Variants in SNX24 observed in about 807,000 individuals in gnomAD.
SNX24 encodes the protein sorting nexin 24, also known as sorting nexin-24.
SNX24 carries 22 observed loss-of-function variants against 28.7 expected under a neutral mutation model. The ratio of observed to expected loss-of-function variants is 0.77; its 90% CI spans 0.55 to 1.10. The LOEUF (loss-of-function observed/expected upper bound fraction) is 1.10, where lower values mean the gene tolerates loss of function less well. SNX24 is among the 50% of genes least tolerant of loss of function. The pLI is 0.00. For missense variants in SNX24, 221 were observed against 201.1 expected (o/e 1.10, Z -0.60); for synonymous variants, 69 against 71.5 (o/e 0.96, Z 0.18).
rs373787968 is a variant in SNX24, at chr5:122,985,994, G to A, written c.250-13918G>A. On this transcript the variant is annotated intron_variant, in intron 3 of 6. Transcript: ENST00000261369. ...CTAGCACTCTGAAGGAAACAAATAAGGGAGCAAGAAAGAGGTTATCAGAGA... is the reference window on the plus strand; with the variant it reads ...CTAGCACTCTGAAGGAAACAAATAAAGGAGCAAGAAAGAGGTTATCAGAGA... Among the ~76,000 whole-genome samples the A allele has an allele frequency of 1.1e-4, 16 of 152,302 alleles. 2 individuals carry two copies. Among genetic ancestry groups the A allele is most frequent in the East Asian group, 3.9e-4 (2 of 5,192 alleles).
At chr5:122,946,599 G>T (rs1759696491) in intron 3 of SNX24, among the ~76,000 whole-genome samples, 1 of 152,142 alleles carries the variant, frequency 6.6e-6, no homozygotes, top group African/African-American at 2.4e-5. Context: ...AATTGAAAAG[G>T]AATGTATAAA....
chr5:122,922,012 A>T (rs1000699986), intron 1 of SNX24, among the ~76,000 whole-genome samples: 8 of 152,036 alleles, frequency 5.3e-5, no homozygotes, highest in Admixed American at 4.6e-4. Context: ...CTCCTTATGT[A>T]TGGTTTTAGA....
At chr5:122,939,351 T>C (rs1759337068) in intron 2 of SNX24, among the ~76,000 whole-genome samples, 1 of 152,216 alleles carries the variant, frequency 6.6e-6, no homozygotes, top group African/African-American at 2.4e-5. Context: ...TAGGTTTGTT[T>C]AGGAGTTGTA....
At chr5:122,898,935 G>A (rs1402827689) in intron 1 of SNX24, among the ~76,000 whole-genome samples, 5 of 152,202 alleles carry the variant, frequency 3.3e-5, no homozygotes, top group African/African-American at 1.2e-4. Flanking sequence ...AGAGAACCTT[G>A]AAAGTGTCCC....
At chr5:122,984,787 G>C (rs1023034847) in intron 3 of SNX24, among the ~76,000 whole-genome samples, 3 of 152,156 alleles carry the variant, frequency 2.0e-5, no homozygotes, top group Non-Finnish European at 4.4e-5. Flanking sequence ...AAAAAGTCAG[G>C]AAATGTTTGC....
chr5:122,944,470 G>T (rs1759594987), intron 2 of SNX24, among the ~76,000 whole-genome samples: 1 of 152,072 alleles, frequency 6.6e-6, no homozygotes, highest in Admixed American at 6.6e-5. Flanking sequence ...ATGAATATTG[G>T]CTAAGCAGCT....
chr5:122,955,044 CT>C (rs1476915473), intron 3 of SNX24, among the ~76,000 whole-genome samples: 1 of 151,756 alleles, frequency 6.6e-6, no homozygotes, highest in African/African-American at 2.4e-5. Flanking sequence ...GACCTGAGAC[CT>C]TATTCATTTT....
At chr5:122,898,303 A>C (rs1757290420) in intron 1 of SNX24, among the ~76,000 whole-genome samples, 1 of 152,230 alleles carries the variant, frequency 6.6e-6, no homozygotes, top group Non-Finnish European at 1.5e-5. Flanking sequence ...GATGTGTTCT[A>C]TGTGGTGGCA....
chr5:122,951,004 A>T (rs1759913030), intron 3 of SNX24, among the ~76,000 whole-genome samples: 1 of 152,160 alleles, frequency 6.6e-6, no homozygotes, highest in Non-Finnish European at 1.5e-5. Context: ...TTGGTGGCTC[A>T]CGCCTGTAAT....
At chr5:123,023,917 T>C in intron 5 of SNX24, 6 of 1,614,146 alleles carry the variant, frequency 3.7e-6, no homozygotes, top group Non-Finnish European at 5.1e-6. Context: ...TTTTCACGTC[T>C]ATCTTGCCAC....
At chr5:122,871,562 G>C (rs1047658782) in intron 1 of SNX24, among the ~76,000 whole-genome samples, 12 of 152,102 alleles carry the variant, frequency 7.9e-5, no homozygotes, top group African/African-American at 2.4e-4. Flanking sequence ...GAGGTCAGGA[G>C]TTCGAGACCA....
At chr5:122,934,470 A>C (rs1362035032) in intron 1 of SNX24, among the ~76,000 whole-genome samples, 1 of 151,666 alleles carries the variant, frequency 6.6e-6, no homozygotes, top group African/African-American at 2.4e-5. Context: ...AGCGATTCTC[A>C]TGCCTCAGCC....
intron 3 of SNX24, among the ~76,000 whole-genome samples, chr5:122,956,546 T>C (rs575633987): frequency 6.6e-6 from 1 of 152,138 alleles, no homozygotes; most frequent in Non-Finnish European, 1.5e-5. Context: ...TTCTTTAAGG[T>C]GTATGCCCAG....
chr5:122,982,720 G>A lies in SNX24; in HGVS notation c.250-17192G>A, dbSNP rs568388276. 3.6e-3 allele frequency among the ~76,000 whole-genome samples: 555 copies of A among 152,302 alleles called. 4 individuals carry two copies. Among genetic ancestry groups the A allele is most frequent in the African/African-American group, 0.012 (515 of 41,560 alleles). On this transcript the variant is annotated intron_variant, in intron 3 of 6. Transcript: ENST00000261369. Reference sequence around the variant, plus strand: ...TGTACAGTGATACAGTTACTAAAGGGGGAGGGGTTTGCTTTGCTTTGTAGG... The same window carrying A: ...TGTACAGTGATACAGTTACTAAAGGAGGAGGGGTTTGCTTTGCTTTGTAGG...
intron 3 of SNX24, among the ~76,000 whole-genome samples, chr5:122,985,851 G>A (rs775426732): frequency 2.6e-5 from 4 of 152,190 alleles, no homozygotes; most frequent in Non-Finnish European, 2.9e-5. Flanking sequence ...ACCCTCATGC[G>A]TTCAGAGCCC....
At chr5:123,015,518 G>A (rs1384863105) in intron 5 of SNX24, among the ~76,000 whole-genome samples, 2 of 152,030 alleles carry the variant, frequency 1.3e-5, no homozygotes, top group Admixed American at 1.3e-4. Context: ...CCATAGCTTC[G>A]TGACACCCCA....
At chr5:122,927,112 C>T (rs1443860552) in intron 1 of SNX24, among the ~76,000 whole-genome samples, 1 of 152,216 alleles carries the variant, frequency 6.6e-6, no homozygotes, top group South Asian at 2.1e-4. Flanking sequence ...TGGATAATTA[C>T]GTTTAATCCT....
intron 3 of SNX24, among the ~76,000 whole-genome samples, chr5:122,973,496 C>T (rs1761041092): frequency 6.6e-6 from 1 of 152,224 alleles, no homozygotes; most frequent in South Asian, 2.1e-4. Context: ...TCATAGGGAA[C>T]TCCCTGTGAA....
intron 3 of SNX24, among the ~76,000 whole-genome samples, chr5:122,989,315 C>T (rs749636594): frequency 6.6e-6 from 1 of 152,130 alleles, no homozygotes; most frequent in East Asian, 1.9e-4. Context: ...TGGCCTTTTC[C>T]TCATAATTAT....
Sources: gnomAD v4.1 joint callset for allele counts (sites outside exome capture counted in the v4.1 genomes callset) on GRCh38, gnomAD v4.1.1 for gene constraint, MANE v1.5 for transcripts, NCBI Gene and HGNC (gene_info 2026-07-23, HGNC 2026-07-21) for gene names.